The following HERPUD2 variants were observed in gnomAD, a reference collection of about 807,000 sequenced individuals.
The protein encoded by HERPUD2 is HERPUD family member 2.
In HERPUD2, 13 loss-of-function variants were observed where a neutral mutation model predicts 49.9. The observed-to-expected ratio is 0.26, with a 90% confidence interval of 0.17 to 0.41. The LOEUF is 0.41. HERPUD2 is among the 10% of genes least tolerant of loss of function. HERPUD2 has a pLI of 1.00. For missense variants in HERPUD2, 449 were observed against 492.2 expected, an observed-to-expected ratio of 0.91 and a Z score of 0.83; for synonymous variants, 172 against 171.4, an observed-to-expected ratio of 1.00 and a Z score of -0.03.
At chr7:35,690,532 G>A (rs1285974053) in intron 2 of HERPUD2, among the ~76,000 whole-genome samples, 2 of 152,338 alleles carry the variant, frequency 1.3e-5, no homozygotes, top group East Asian at 1.9e-4. Context: ...AGTTAAGGCC[G>A]GGAGTGGTGG....
chr7:35,634,502 A>C, intron 7 of HERPUD2, 73 bp from the exon 8 acceptor site: 1 of 876,704 alleles, frequency 1.1e-6, no homozygotes, highest in East Asian at 2.5e-5. Flanking sequence ...AAATGTTATT[A>C]GTGTCCTATA....
At chr7:35,685,097 T>G (rs1786007795) in intron 2 of HERPUD2, among the ~76,000 whole-genome samples, 1 of 151,724 alleles carries the variant, frequency 6.6e-6, no homozygotes, top group Non-Finnish European at 1.5e-5. Flanking sequence ...TAAAGTTAGC[T>G]GGGCATGGTG....
chr7:35,646,850 T>G (rs1181444579), intron 5 of HERPUD2, among the ~76,000 whole-genome samples: 1 of 152,146 alleles, frequency 6.6e-6, no homozygotes, highest in Non-Finnish European at 1.5e-5. Context: ...GCAGAAGTTC[T>G]GACAGCTTGT....
Position 35,635,286 on chromosome 7 carries a change from C to T in HERPUD2, c.790G>A (p.Gly264Ser). ...AAGTCTTCTTCATTTAGTACTGGAC[C>T]TCCCTGTGCATTCATTTGAACATTC... ...NENVQMNAQG[G>S]PVLNEEDFNR... Residue 264 changes from glycine to serine, a missense_variant, in exon 7 of 9, where the codon GGT (glycine) becomes AGT (serine). Transcript: ENST00000311350. The T allele has an allele frequency of 6.2e-7, 1 of 1,614,122 alleles. No homozygotes were observed. The highest frequency in any genetic ancestry group is 8.5e-7 in the Non-Finnish European group (1 of 1,180,022).
At chr7:35,640,075 C>T (rs1455178968) in intron 5 of HERPUD2, among the ~76,000 whole-genome samples, 2 of 152,130 alleles carry the variant, frequency 1.3e-5, no homozygotes, top group Non-Finnish European at 2.9e-5. Context: ...AAAAAGATGT[C>T]AGTTAGTGAG....
At chr7:35,647,113 C>A (rs1429878627) in intron 5 of HERPUD2, among the ~76,000 whole-genome samples, 1 of 152,158 alleles carries the variant, frequency 6.6e-6, no homozygotes, top group Non-Finnish European at 1.5e-5. Flanking sequence ...ACTTCAGGAA[C>A]AAACTTTCAC....
chr7:35,686,744 A>AC (rs1786062421), intron 2 of HERPUD2, among the ~76,000 whole-genome samples: 1 of 104,816 alleles, frequency 9.5e-6, no homozygotes, highest in Non-Finnish European at 1.7e-5. Flanking sequence ...AAAAAAAAAA[A>AC]ACCAAACCCA....
chr7:35,654,673 CTTT>C (rs539830449), intron 5 of HERPUD2, among the ~76,000 whole-genome samples: 31 of 129,888 alleles, frequency 2.4e-4, no homozygotes, highest in Non-Finnish European at 3.5e-4. Context: ...TTGACCAAAA[CTTT>C]TTTTTTTTTT....
intron 2 of HERPUD2, among the ~76,000 whole-genome samples, chr7:35,676,244 T>C (rs1257005825): frequency 1.3e-5 from 2 of 152,264 alleles, no homozygotes; most frequent in African/African-American, 4.8e-5. Context: ...CGTAGAACTT[T>C]CCAGTCTGAT....
At chr7:35,638,165 G>A (rs1784901393) in intron 6 of HERPUD2, among the ~76,000 whole-genome samples, 185 bp downstream of exon 6, 1 of 152,208 alleles carries the variant, frequency 6.6e-6, no homozygotes, top group Admixed American at 6.5e-5. Flanking sequence ...TGTAATTAGG[G>A]AAGACAGGGA....
chr7:35,661,415 T>G (rs187633144), intron 5 of HERPUD2, among the ~76,000 whole-genome samples: 219 of 152,280 alleles, frequency 1.4e-3, no homozygotes, highest in African/African-American at 5.2e-3. Context: ...GTGAAGAAAG[T>G]CATTGGTAGC....
intron 2 of HERPUD2, among the ~76,000 whole-genome samples, chr7:35,674,406 G>T (rs3857742): frequency 0.4 from 5,252 of 13,064 alleles, 202 homozygotes; most frequent in Middle Eastern, 0.75. Flanking sequence ...TATATATATA[G>T]AGAGAGAGAG....
chr7:35,635,255 C>G lies in HERPUD2; in HGVS notation c.821G>C (p.Arg274Pro). 6.2e-7 allele frequency: 1 copy of G among 1,614,010 alleles called. No homozygotes were observed. Among genetic ancestry groups the G allele is most frequent in the Non-Finnish European group, 8.5e-7 (1 of 1,179,892 alleles). Residue 274 changes from arginine (R) to proline (P), a missense_variant, in exon 7 of 9, where the codon CGA (arginine) becomes CCA (proline). Arg to Pro is a moderately radical substitution (Grantham distance 103). Transcript: ENST00000311350. Reference sequence around the variant, plus strand: ...CGTGTACATCCAGTCTAGCCAGTCTCGATTGAAGTCTTCTTCATTTAGTAC... The same window carrying G: ...CGTGTACATCCAGTCTAGCCAGTCTGGATTGAAGTCTTCTTCATTTAGTAC... ...GPVLNEEDFN[R>P]DWLDWMYTFS...
At chr7:35,655,232 A>C (rs1785251493) in intron 5 of HERPUD2, among the ~76,000 whole-genome samples, 1 of 152,222 alleles carries the variant, frequency 6.6e-6, no homozygotes, top group Non-Finnish European at 1.5e-5. Flanking sequence ...GAATTCTACA[A>C]GGCATTAACC....
intron 3 of HERPUD2, among the ~76,000 whole-genome samples, chr7:35,670,819 T>A (rs567314441): frequency 6.6e-6 from 1 of 152,230 alleles, no homozygotes; most frequent in Non-Finnish European, 1.5e-5. Flanking sequence ...ATAACACCTA[T>A]ACGCAGATAT....
chr7:35,681,943 T>TA (rs1212701083), intron 2 of HERPUD2, among the ~76,000 whole-genome samples: 4 of 152,174 alleles, frequency 2.6e-5, no homozygotes, highest in Non-Finnish European at 5.9e-5. Context: ...TGTGAAGTAC[T>TA]AAAAACCACT....
intron 2 of HERPUD2, among the ~76,000 whole-genome samples, chr7:35,689,012 A>G (rs529978760): frequency 6.6e-6 from 1 of 152,330 alleles, no homozygotes; most frequent in South Asian, 2.1e-4. Context: ...CACATGGCAA[A>G]CACTTAGTAA....
chr7:35,648,608 C>T (rs1220441609), intron 5 of HERPUD2, among the ~76,000 whole-genome samples: 2 of 152,168 alleles, frequency 1.3e-5, no homozygotes, highest in African/African-American at 4.8e-5. Context: ...CATGTGATTG[C>T]TTTGGCCAAT....
At chr7:35,656,448 C>T (rs1397598636) in intron 5 of HERPUD2, among the ~76,000 whole-genome samples, 1 of 151,698 alleles carries the variant, frequency 6.6e-6, no homozygotes, top group Non-Finnish European at 1.5e-5. Flanking sequence ...TCATTTTTTA[C>T]AGAATTAGAA....
Sources: gnomAD v4.1 joint callset for allele counts (sites outside exome capture counted in the v4.1 genomes callset) on GRCh38, gnomAD v4.1.1 for gene constraint, MANE v1.5 for transcripts, NCBI Gene and HGNC (gene_info 2026-07-23, HGNC 2026-07-21) for gene names.